Variants in XKR6 observed in about 807,000 individuals in gnomAD.
The protein encoded by XKR6 is XK related 6, also known as XK-related protein 6.
In XKR6, 22 loss-of-function variants were observed where a neutral mutation model predicts 56.7. The ratio of observed to expected loss-of-function variants is 0.39; its 90% CI spans 0.28 to 0.55. The LOEUF is 0.55. XKR6 is among the 20% of genes least tolerant of loss of function. XKR6 has a pLI of 0.66. For missense variants in XKR6, 852 were observed against 889.0 expected, an observed-to-expected ratio of 0.96 and a Z score of 0.53; for synonymous variants, 524 against 387.8, an observed-to-expected ratio of 1.35 and a Z score of -4.13.
intron 1 of XKR6, among the ~76,000 whole-genome samples, chr8:11,122,383 T>C (rs1799499698): frequency 1.3e-5 from 2 of 152,250 alleles, no homozygotes; most frequent in African/African-American, 4.8e-5. Context: ...AGAGATAGAA[T>C]ACTTTAGTTA....
intron 1 of XKR6, among the ~76,000 whole-genome samples, chr8:10,948,620 C>G (rs59817154): frequency 6.6e-6 from 1 of 152,282 alleles, no homozygotes; most frequent in East Asian, 1.9e-4. Context: ...CCTTGCAGGA[C>G]TTGGTCTGTC....
At chr8:11,112,821 T>G (rs1798972411) in intron 1 of XKR6, among the ~76,000 whole-genome samples, 1 of 152,196 alleles carries the variant, frequency 6.6e-6, no homozygotes, top group Non-Finnish European at 1.5e-5. Context: ...TCTTAGTGTA[T>G]GTGAATAATT....
intron 1 of XKR6, among the ~76,000 whole-genome samples, chr8:10,982,145 A>G (rs1355018647): frequency 6.6e-6 from 1 of 152,248 alleles, no homozygotes; most frequent in Non-Finnish European, 1.5e-5. Context: ...TTGTCTGATG[A>G]CTTTCTTATC....
At chr8:11,010,244 A>C (rs1188654864) in intron 1 of XKR6, among the ~76,000 whole-genome samples, 1 of 152,240 alleles carries the variant, frequency 6.6e-6, no homozygotes, top group Non-Finnish European at 1.5e-5. Context: ...CAAGACTGGC[A>C]AGGGGGAAGT....
intron 1 of XKR6, chr8:11,108,468 T>TA: frequency 7.3e-6 from 3 of 412,184 alleles, no homozygotes; most frequent in South Asian, 1.8e-5. Context: ...TATGTTCATT[T>TA]AAAAAACAGG....
chr8:11,064,320 T>G (rs111517039), intron 1 of XKR6, among the ~76,000 whole-genome samples: 1 of 152,182 alleles, frequency 6.6e-6, no homozygotes, highest in African/African-American at 2.4e-5. Flanking sequence ...CTCAGTTAAT[T>G]AGAGCCTTGT....
At chr8:11,154,157 G>C (rs774625126) in intron 1 of XKR6, among the ~76,000 whole-genome samples, 1 of 152,140 alleles carries the variant, frequency 6.6e-6, no homozygotes, top group Non-Finnish European at 1.5e-5. Flanking sequence ...GGATCTTAGG[G>C]TAGGGTTGGC....
chr8:10,990,028 C>T lies in XKR6; in HGVS notation c.765-65198G>A, dbSNP rs7004132. On this transcript the variant is annotated intron_variant, in intron 1 of 2. Coordinates refer to ENST00000416569, the MANE Select transcript of XKR6 (RefSeq NM_173683.4). The stretch of plus-strand genomic sequence containing the variant: ...AGTCGGGTTATGGACACTGCTTCTG[C>T]GTGTGATCTACAATAGGTGGTCATT... Among the ~76,000 whole-genome samples the T allele has an allele frequency of 8.1e-3, 1,231 of 152,272 alleles. 18 individuals carry two copies. Among genetic ancestry groups the T allele is most frequent in the African/African-American group, 0.029 (1,192 of 41,554 alleles).
At chr8:11,091,589 T>A (rs547927183) in intron 1 of XKR6, among the ~76,000 whole-genome samples, 2 of 152,064 alleles carry the variant, frequency 1.3e-5, no homozygotes, top group African/African-American at 4.8e-5. Context: ...ATGGTACCAT[T>A]AAAGATGCAG....
chr8:10,897,625 C>A lies in XKR6; in HGVS notation c.*327G>T. The A allele has an allele frequency of 4.6e-6, 1 of 218,834 alleles. No individual in the cohort carries two copies. The highest frequency in any genetic ancestry group is 8.9e-6 in the Non-Finnish European group (1 of 112,046). 13.6% of individuals were successfully genotyped at this position (218,834 alleles called of 1,614,324 possible). A position where few individuals can be genotyped will look rare whatever the true frequency, so the allele number is the denominator to read the frequency against. On this transcript the variant is annotated 3_prime_UTR_variant, in exon 3 of 3. Transcript: ENST00000416569. ...TTTTCTTTTGGAGTGGAGATAACTC[C>A]TCCTTCTCCACCCTATGAACCATAG...
At chr8:10,929,571 C>A (rs1426032400) in intron 1 of XKR6, among the ~76,000 whole-genome samples, 1 of 152,174 alleles carries the variant, frequency 6.6e-6, no homozygotes, top group Non-Finnish European at 1.5e-5. Context: ...GGAGTTTGCC[C>A]AAAACACCTG....
At chr8:10,939,909 G>T (rs972912606) in intron 1 of XKR6, among the ~76,000 whole-genome samples, 11 of 152,226 alleles carry the variant, frequency 7.2e-5, no homozygotes, top group Non-Finnish European at 1.6e-4. Context: ...GGCTTCGGGG[G>T]TCCACAGCAG....
intron 1 of XKR6, among the ~76,000 whole-genome samples, chr8:10,980,710 T>C (rs1425529771): frequency 2.0e-5 from 3 of 152,220 alleles, no homozygotes; most frequent in Admixed American, 1.3e-4. Context: ...CCAAGTTGTA[T>C]GGATTATGAC....
intron 1 of XKR6, among the ~76,000 whole-genome samples, chr8:11,033,785 C>G (rs756886114): frequency 6.6e-6 from 1 of 152,172 alleles, no homozygotes; most frequent in African/African-American, 2.4e-5. Context: ...CAGGTCCACT[C>G]GTATCTTCAG....
chr8:10,960,404 C>T (rs1393409931), intron 1 of XKR6, among the ~76,000 whole-genome samples: 1 of 152,196 alleles, frequency 6.6e-6, no homozygotes, highest in Non-Finnish European at 1.5e-5. Flanking sequence ...GCCCCAGTCT[C>T]CTGGTCAAGA....
At chr8:11,111,277 A>C (rs1798878217) in intron 1 of XKR6, among the ~76,000 whole-genome samples, 1 of 152,120 alleles carries the variant, frequency 6.6e-6, no homozygotes, top group Non-Finnish European at 1.5e-5. Flanking sequence ...CATTCAGCCA[A>C]TAATAGAAGG....
chr8:10,940,587 G>A (rs182234208), intron 1 of XKR6, among the ~76,000 whole-genome samples: 116 of 152,244 alleles, frequency 7.6e-4, no homozygotes, highest in Admixed American at 6.1e-3. Context: ...ACCTGCAGAC[G>A]GCTGGTCCGG....
At chr8:11,144,252 G>GTGTGTGTGTGTGTGTGTC (rs1800866282) in intron 1 of XKR6, among the ~76,000 whole-genome samples, 1 of 151,084 alleles carries the variant, frequency 6.6e-6, no homozygotes, top group Non-Finnish European at 1.5e-5. Context: ...GTGTGTGTGT[G>GTGTGTGTGTGTGTGTGTC]TGTATCTAAA....
At position 10,944,126 on chromosome 8, in the gene XKR6, T is replaced by G. The variant is rs549428718; in HGVS notation, c.765-19296A>C. ...CCCAGCGCCCCCCAGCCCACCACGG[T>G]AACATCCAATCAGAGTGCACTAAAC... On this transcript the variant is annotated intron_variant, in intron 1 of 2. Coordinates refer to ENST00000416569, the MANE Select transcript of XKR6 (RefSeq NM_173683.4). 1.2e-3 allele frequency among the ~76,000 whole-genome samples: 176 copies of G among 152,064 alleles called. 1 individual carries two copies. The highest frequency in any genetic ancestry group is 4.2e-3 in the African/African-American group (173 of 41,414).
Sources: allele counts gnomAD v4.1 joint callset (sites outside exome capture counted in the v4.1 genomes callset), GRCh38; gene constraint gnomAD v4.1.1; transcripts MANE v1.5; gene names NCBI Gene and HGNC (gene_info 2026-07-23, HGNC 2026-07-21).